The following COL6A2 variants were observed in gnomAD, a reference collection of about 807,000 sequenced individuals.
COL6A2 encodes the protein collagen alpha-2(VI) chain.
Under a neutral mutation model 124.9 loss-of-function variants are expected in COL6A2, and 90 were observed. The ratio of observed to expected loss-of-function variants is 0.72; its 90% CI spans 0.61 to 0.86. COL6A2 has a LOEUF of 0.86. COL6A2 is among the 40% of genes least tolerant of loss of function. COL6A2 has a pLI of 0.00. For synonymous variants in COL6A2, 793 were observed against 618.2 expected, an observed-to-expected ratio of 1.28 and a Z score of -4.19; for missense variants, 1,607 against 1,502.5, an observed-to-expected ratio of 1.07 and a Z score of -1.15.
chr21:46,125,753 T>C, intron 25 of COL6A2, 32 bp from the exon 26 acceptor site: 1 of 1,607,454 alleles, frequency 6.2e-7, no homozygotes, highest in Non-Finnish European at 8.5e-7. Flanking sequence ...CCCCGAGGCC[T>C]CTGGCAACGA....
In COL6A2 at chr21:46,117,877, C is replaced by T. The variant is rs751754421; in HGVS notation, c.1057C>T (p.Pro353Ser). Reference sequence around the variant, plus strand: ...CCACCTCTCACTCCTCTCTCAGGGCCCCGACGGTTACCCGGGGGAAGCAGG... The same window carrying T: ...CCACCTCTCACTCCTCTCTCAGGGCTCCGACGGTTACCCGGGGGAAGCAGG... ...GCKGDPGNRGPDGYPGEAGSP... is the reference protein window; with the variant it reads ...GCKGDPGNRGSDGYPGEAGSP... Residue 353 changes from proline (P) to serine (S), a missense_variant, in exon 12 of 28, where the codon CCC (proline) becomes TCC (serine). Physicochemically the swap from Pro to Ser is moderately conservative, Grantham distance 74 (BLOSUM62 -1). Coordinates refer to ENST00000300527, the MANE Select transcript of COL6A2 (RefSeq NM_001849.4). 2 of 1,611,254 alleles carry T rather than the reference C, an allele frequency of 1.2e-6. No homozygotes were observed. Among genetic ancestry groups the T allele is most frequent in the South Asian group, 1.1e-5 (1 of 90,414 alleles).
At position 46,121,633 on chromosome 21, in the gene COL6A2, C is replaced by T; in HGVS notation, c.1521+15C>T. 5 of 1,612,440 alleles carry T rather than the reference C, an allele frequency of 3.1e-6. No individual in the cohort carries two copies. The highest frequency in any genetic ancestry group is 4.2e-6 in the Non-Finnish European group (5 of 1,179,712). On this transcript the variant is annotated intron_variant, in intron 18 of 27. Transcript: ENST00000300527. The stretch of plus-strand genomic sequence containing the variant: ...CAGGCCCCAAGGTACGTGCCCCTCC[C>T]CCAGCAGGACGTATTAGGGGTTCGG...
chr21:46,102,232 T>C (rs565037726), intron 1 of COL6A2, among the ~76,000 whole-genome samples: 1 of 152,332 alleles, frequency 6.6e-6, no homozygotes, highest in East Asian at 1.9e-4. Flanking sequence ...GTGATTTTTA[T>C]GTGTTTACTA....
intron 21 of COL6A2, 100 bp from the exon 22 acceptor site, chr21:46,124,551 C>T (rs2078629588): frequency 1.8e-6 from 2 of 1,104,670 alleles, no homozygotes; most frequent in African/African-American, 3.1e-5. Context: ...CCCCCCCCGC[C>T]AAGGGAGGAC....
chr21:46,130,251 C>G (rs2078743668), intron 27 of COL6A2, among the ~76,000 whole-genome samples: 1 of 152,212 alleles, frequency 6.6e-6, no homozygotes, highest in Non-Finnish European at 1.5e-5. Flanking sequence ...CTCTGGGTCT[C>G]CAAAAGCACA....
rs369756029 is a variant in COL6A2 at position 46,132,375 on chromosome 21, G to A, written c.2883G>A (p.Ala961=). The A allele has an allele frequency of 3.0e-5, 48 of 1,609,164 alleles. No individual in the cohort carries two copies. Among genetic ancestry groups the A allele is most frequent in the African/African-American group, 9.3e-5 (7 of 74,910 alleles). The change falls in exon 28 of 28, where the codon GCG becomes GCA. Residue 961 remains alanine (A), a synonymous_variant. Transcript: ENST00000300527. ...GCAACGACAGTCTGCACGAGTCGGC[G>A]CACTCCATGCGCAAGCAGAACGTGG... The part of the protein sequence containing the change: ...VTGNDSLHES[A]HSMRKQNVVP...
At chr21:46,122,830 G>C in intron 20 of COL6A2, 45 bp from the exon 21 acceptor site, 1 of 1,582,916 alleles carries the variant, frequency 6.3e-7, no homozygotes, top group Non-Finnish European at 8.7e-7. Flanking sequence ...GTCCCTGGTA[G>C]AGACAGCTCC....
At chr21:46,113,767 T>G in intron 4 of COL6A2, 1 of 586,908 alleles carries the variant, frequency 1.7e-6, no homozygotes, top group East Asian at 2.9e-5. Context: ...CAGGCTTGGT[T>G]TTTTAAACTT....
At chr21:46,101,480 C>T (rs1004837129) in intron 1 of COL6A2, among the ~76,000 whole-genome samples, 1 of 152,020 alleles carries the variant, frequency 6.6e-6, no homozygotes, top group Non-Finnish European at 1.5e-5. Flanking sequence ...TTGCTCAGTC[C>T]CATGTCACGA....
rs1193152104 is a variant in COL6A2 at position 46,120,496 on chromosome 21, CTCCCT to C, written c.1333-9_1333-5del. On this transcript the variant is annotated splice_polypyrimidine_tract_variant and intron_variant, in intron 15 of 27. Coordinates refer to ENST00000300527, the MANE Select transcript of COL6A2 (RefSeq NM_001849.4). ...AGGCCTCAGCTGAGACCCGTGGGGC[CTCCCT>C]TCCCTTCCCACAGGGGGACCCTGGC... 17 of 1,524,414 alleles carry C rather than the reference CTCCCT, an allele frequency of 1.1e-5. No individual in the cohort carries two copies. In the Middle Eastern group the frequency reaches 9.9e-4, roughly 89 times the overall value. The allele number at this position is 1,524,414 out of a possible 1,614,324, so 94.4% of individuals were successfully genotyped here.
chr21:46,120,196 G>A (rs2078541778), intron 15 of COL6A2, among the ~76,000 whole-genome samples: 1 of 90,238 alleles, frequency 1.1e-5, no homozygotes, highest in African/African-American at 3.3e-5. Context: ...GGGTGATGCT[G>A]AAGGGCTGTG....
Position 46,116,587 on chromosome 21 carries a change from A to C in COL6A2, c.928-64A>C. 1 of 1,609,094 alleles carries C rather than the reference A, an allele frequency of 6.2e-7. No homozygotes were observed. The highest frequency in any genetic ancestry group is 1.3e-5 in the African/African-American group (1 of 74,970). ...TTGGCCCAAGGGCTTTGCCCCCCAGAGGCAGCAGTGCCCATGATGCTTTGA... is the reference window on the plus strand; with the variant it reads ...TTGGCCCAAGGGCTTTGCCCCCCAGCGGCAGCAGTGCCCATGATGCTTTGA... On this transcript the variant is annotated intron_variant, in intron 8 of 27. Transcript: ENST00000300527. The surrounding 1 kb of genome is among the most constrained non-coding windows in gnomAD (Gnocchi z 4.6).
chr21:46,124,556 G>T, intron 21 of COL6A2, 95 bp from the exon 22 acceptor site: 2 of 1,155,856 alleles, frequency 1.7e-6, no homozygotes. Flanking sequence ...CCCGCCAAGG[G>T]AGGACCCGTG....
intron 1 of COL6A2, among the ~76,000 whole-genome samples, chr21:46,104,232 G>A (rs1399512772): frequency 6.6e-6 from 1 of 152,074 alleles, no homozygotes; most frequent in Non-Finnish European, 1.5e-5. Context: ...CTAGACAAAG[G>A]CTTTGAAAGA....
Position 46,125,886 on chromosome 21 carries a change from G to A in COL6A2, c.2071G>A (p.Val691Ile), listed in dbSNP as rs1568940249. 4 of 1,613,208 alleles carry A rather than the reference G, an allele frequency of 2.5e-6. No individual in the cohort carries two copies. Among genetic ancestry groups the A allele is most frequent in the African/African-American group, 2.7e-5 (2 of 75,042 alleles). ...CTCCCTGTCGAGCTTCAAGGAGGCT[G>A]TCAAGAACCTCGAGTGGATTGCGGG... ...IDSLSSFKEAVKNLEWIAGGT... is the reference protein window; with the variant it reads ...IDSLSSFKEAIKNLEWIAGGT... The change falls in exon 26 of 28, where the codon GTC (valine) becomes ATC (isoleucine). Residue 691 changes from valine (V) to isoleucine (I), a missense_variant. Val to Ile is a conservative substitution (Grantham distance 29). Transcript: ENST00000300527.
intron 1 of COL6A2, among the ~76,000 whole-genome samples, chr21:46,101,845 C>A (rs553287270): frequency 4.5e-5 from 4 of 89,576 alleles, no homozygotes; most frequent in East Asian, 3.7e-4. Context: ...TTATCTTTCA[C>A]GATTTTTTTT....
chr21:46,116,197 C>G lies in COL6A2; in HGVS notation c.900+144C>G. On this transcript the variant is annotated intron_variant, in intron 7 of 27. Coordinates refer to ENST00000300527, the MANE Select transcript of COL6A2 (RefSeq NM_001849.4). This position sits in a 1 kb window ranked among gnomAD's most constrained non-coding sequence, Gnocchi z 4.6. ...CAGAAGCACCTCGATAACTTGATGGCCGTCCCAAAACCCAGCCTCCAGCCC... is the reference window on the plus strand; with the variant it reads ...CAGAAGCACCTCGATAACTTGATGGGCGTCCCAAAACCCAGCCTCCAGCCC... The G allele has an allele frequency of 8.7e-7, 1 of 1,153,838 alleles. No individual in the cohort carries two copies. The highest frequency in any genetic ancestry group is 1.3e-6 in the Non-Finnish European group (1 of 789,150). 71.5% of individuals were successfully genotyped at this position (1,153,838 alleles called of 1,614,324 possible).
chr21:46,121,790 C>T (rs566692078), intron 18 of COL6A2, among the ~76,000 whole-genome samples, 172 bp downstream of exon 18: 1 of 152,146 alleles, frequency 6.6e-6, no homozygotes, highest in Non-Finnish European at 1.5e-5. Context: ...TCCAGGAAGC[C>T]CCCCTGGCTC....
chr21:46,132,601 A>G lies in COL6A2; in HGVS notation c.*49A>G, dbSNP rs1184569887. ...CGAGGGTCGTGAGCCCACCCCGTCC[A>G]TGGTGCTAAGCGGGCCCGGGTCCCA... On this transcript the variant is annotated 3_prime_UTR_variant, in exon 28 of 28. Transcript: ENST00000300527. 1.0e-5 allele frequency: 16 copies of G among 1,531,358 alleles called. No individual in the cohort carries two copies. The highest frequency in any genetic ancestry group is 2.4e-5 in the East Asian group (1 of 41,728). The allele number at this position is 1,531,358 out of a possible 1,614,324, so 94.9% of individuals were successfully genotyped here. A position where few individuals can be genotyped will look rare whatever the true frequency, so the allele number is the denominator to read the frequency against.
Sources: gnomAD v4.1 joint callset for allele counts (sites outside exome capture counted in the v4.1 genomes callset) on GRCh38, gnomAD v4.1.1 for gene constraint, Gnocchi (gnomAD v3.1) non-coding constraint, MANE v1.5 for transcripts, NCBI Gene and HGNC (gene_info 2026-07-23, HGNC 2026-07-21) for gene names.